THTPA: variants seen among roughly 807,000 people sequenced by gnomAD.
THTPA encodes thiamine-triphosphatase.
THTPA carries 16 observed loss-of-function variants against 16.5 expected under a neutral mutation model. That is an observed-to-expected ratio of 0.97 (90% CI 0.66 to 1.47). The LOEUF (loss-of-function observed/expected upper bound fraction) is 1.47, where lower values mean the gene tolerates loss of function less well. Ranked by LOEUF, THTPA falls within the 40% of genes most tolerant of loss-of-function variation. The probability of loss-of-function intolerance (pLI) is 0.00; values close to 1 mark genes in which losing one functional copy is unlikely to be tolerated. For synonymous variants in THTPA, 110 were observed against 115.5 expected, an observed-to-expected ratio of 0.95 and a Z score of 0.30; for missense variants, 281 against 280.9, an observed-to-expected ratio of 1.00 and a Z score of 0.00.
chr14:23,520,729 C>G, the THTPA span: 1 of 150,952 alleles, frequency 6.6e-6, no homozygotes, highest in Non-Finnish European at 1.5e-5. The surrounding 1 kb of genome is among the most constrained non-coding windows in gnomAD (Gnocchi z 8.7). Context: ...GACCACCAGA[C>G]CCATAGCAAG....
chr14:23,518,551 C>T, the THTPA span, among the ~76,000 whole-genome samples: 1 of 152,332 alleles, frequency 6.6e-6, no homozygotes, highest in African/African-American at 2.4e-5. This position sits in a 1 kb window ranked among gnomAD's most constrained non-coding sequence, Gnocchi z 4.5. Flanking sequence ...GGACACCTTA[C>T]ACCATCCTCA....
the THTPA span, chr14:23,530,001 C>G: frequency 2.7e-6 from 3 of 1,125,548 alleles, no homozygotes; most frequent in Admixed American, 6.0e-5. Flanking sequence ...CCTGATGAGC[C>G]CTTTCTTTAA....
chr14:23,533,791 A>G, the THTPA span: 3 of 1,552,756 alleles, frequency 1.9e-6, no homozygotes, highest in Non-Finnish European at 2.6e-6. The surrounding 1 kb of genome is among the most constrained non-coding windows in gnomAD (Gnocchi z 4.8). Context: ...GTAGTTGCAG[A>G]CGTCACAGCG....
chr14:23,522,949 G>A, the THTPA span: 5 of 1,437,780 alleles, frequency 3.5e-6, no homozygotes, highest in East Asian at 1.3e-4. Flanking sequence ...GGCCTAGAAA[G>A]GTGAAAGGAA....
the THTPA span, chr14:23,527,818 A>C: frequency 6.6e-7 from 1 of 1,514,148 alleles, no homozygotes; most frequent in Non-Finnish European, 8.8e-7. Flanking sequence ...GAGGGAACAT[A>C]TGGGCAGTGG....
the THTPA span, chr14:23,527,064 C>A: frequency 2.9e-6 from 4 of 1,397,068 alleles, no homozygotes; most frequent in Non-Finnish European, 2.8e-6. Flanking sequence ...TGTACTTGTG[C>A]CGAGATCCCT....
the THTPA span, chr14:23,524,842 C>T: frequency 3.3e-5 from 50 of 1,537,004 alleles, 1 homozygote; most frequent in Admixed American, 8.6e-4. This position sits in a 1 kb window ranked among gnomAD's most constrained non-coding sequence, Gnocchi z 5.6. Flanking sequence ...CTTCCTCCTC[C>T]TCTTCAAGGG....
chr14:23,521,267 G>C, the THTPA span: 1 of 152,460 alleles, frequency 6.6e-6, no homozygotes, highest in Non-Finnish European at 1.5e-5. Flanking sequence ...AGGAGGGAGA[G>C]GGTAGGAAGA....
chr14:23,525,830 T>C, the THTPA span: 6 of 1,456,994 alleles, frequency 4.1e-6, no homozygotes, highest in Non-Finnish European at 5.4e-6. This position sits in a 1 kb window ranked among gnomAD's most constrained non-coding sequence, Gnocchi z 5.9. Flanking sequence ...CACCTTGAGA[T>C]CGTGGAGGTA....
At chr14:23,533,874 G>A in the THTPA span, 27 of 1,538,196 alleles carry the variant, frequency 1.8e-5, no homozygotes, top group Non-Finnish European at 2.3e-5. The surrounding 1 kb of genome is among the most constrained non-coding windows in gnomAD (Gnocchi z 4.8). Flanking sequence ...CACTGCAGTA[G>A]CTGCAGTGAC....
At chr14:23,527,890 C>A in the THTPA span, 1 of 1,144,824 alleles carries the variant, frequency 8.7e-7, no homozygotes, top group Non-Finnish European at 1.2e-6. Context: ...AGCACTGGCC[C>A]GCCCCCACTC....
chr14:23,516,849 G>T, the THTPA span, among the ~76,000 whole-genome samples: 5 of 152,326 alleles, frequency 3.3e-5, no homozygotes, highest in Admixed American at 3.3e-4. Context: ...AGAAGACTTA[G>T]TGCAGGGTTT....
chr14:23,534,409 A>T, the THTPA span: 1 of 1,536,794 alleles, frequency 6.5e-7, no homozygotes, highest in Non-Finnish European at 8.7e-7. The surrounding 1 kb of genome is among the most constrained non-coding windows in gnomAD (Gnocchi z 4.5). Context: ...GCTGTTGTCA[A>T]GGGGTATGTC....
At chr14:23,551,461 C>T (rs1157516925), upstream of THTPA, 1 of 152,418 alleles carries the variant, frequency 6.6e-6, no homozygotes, top group African/African-American at 2.4e-5. This position sits in a 1 kb window ranked among gnomAD's most constrained non-coding sequence, Gnocchi z 5.3. Flanking sequence ...TCTTTTTTCC[C>T]CTCCTCCTCC....
the THTPA span, chr14:23,513,255 A>G: frequency 6.6e-6 from 1 of 152,048 alleles, no homozygotes; most frequent in Admixed American, 6.6e-5. Flanking sequence ...GTCTGCCTCC[A>G]TCACCCCTCC....
At chr14:23,535,056 T>G in the THTPA span, 7 of 1,536,142 alleles carry the variant, frequency 4.6e-6, no homozygotes, top group Admixed American at 2.0e-5. This position sits in a 1 kb window ranked among gnomAD's most constrained non-coding sequence, Gnocchi z 4.5. Flanking sequence ...TTTCCACCCC[T>G]GGGTCATTTG....
the THTPA span, chr14:23,524,190 G>A: frequency 7.8e-6 from 12 of 1,536,286 alleles, no homozygotes; most frequent in East Asian, 4.9e-5. The surrounding 1 kb of genome is among the most constrained non-coding windows in gnomAD (Gnocchi z 5.6). Flanking sequence ...GGGGTGCTTC[G>A]AAACTGGCCT....
At chr14:23,532,960 T>G in the THTPA span, 2 of 1,536,160 alleles carry the variant, frequency 1.3e-6, no homozygotes, top group South Asian at 2.4e-5. Flanking sequence ...CCTGGCACAC[T>G]AGGCAGCGGA....
At chr14:23,532,854 G>A in the THTPA span, 2 of 1,536,194 alleles carry the variant, frequency 1.3e-6, no homozygotes, top group African/African-American at 1.4e-5. Context: ...TTGCAGCGGT[G>A]GGTGTCACCA....
Sources: gnomAD v4.1 joint callset for allele counts (sites outside exome capture counted in the v4.1 genomes callset) on GRCh38, gnomAD v4.1.1 for gene constraint, Gnocchi (gnomAD v3.1) non-coding constraint, MANE v1.5 for transcripts, NCBI Gene and HGNC (gene_info 2026-07-23, HGNC 2026-07-21) for gene names.